Variants in PRDM10 observed in about 807,000 individuals in gnomAD.
PRDM10 encodes PR domain zinc finger protein 10.
A neutral mutation model predicts 133.1 loss-of-function variants in PRDM10; 65 were observed. The observed-to-expected ratio is 0.49, with a 90% CI of 0.40 to 0.60. The LOEUF is 0.60. Among genes scored for constraint, PRDM10 ranks in the 20% least tolerant of loss-of-function variants. The pLI is 0.00. For missense variants in PRDM10, 1,137 were observed against 1,507.1 expected (o/e 0.75, Z 4.07); for synonymous variants, 582 against 580.4 (o/e 1.00, Z -0.04).
intron 1 of PRDM10, among the ~76,000 whole-genome samples, chr11:129,970,777 G>A (rs1436743951): frequency 2.0e-5 from 3 of 151,912 alleles, no homozygotes; most frequent in South Asian, 4.2e-4. Flanking sequence ...AACTCCTGAC[G>A]TCAGGTGATC....
At chr11:129,910,696 T>C in intron 18 of PRDM10, 40 bp from the exon 19 acceptor site, 2 of 1,446,584 alleles carry the variant, frequency 1.4e-6, no homozygotes, top group Non-Finnish European at 1.9e-6. Flanking sequence ...AATTACGAGC[T>C]TCTAATATAG....
intron 1 of PRDM10, among the ~76,000 whole-genome samples, chr11:129,976,448 G>C (rs777032342): frequency 2.0e-5 from 3 of 152,140 alleles, no homozygotes; most frequent in Non-Finnish European, 4.4e-5. Flanking sequence ...GCTAGGCCCT[G>C]GTCTAAGCAG....
chr11:129,954,121 C>G (rs1951648622), intron 4 of PRDM10, among the ~76,000 whole-genome samples: 1 of 150,904 alleles, frequency 6.6e-6, no homozygotes, highest in Admixed American at 6.6e-5. Flanking sequence ...AAAAAAGGCT[C>G]CTAACAAACT....
At chr11:129,913,814 G>T (rs2135740694) in intron 17 of PRDM10, among the ~76,000 whole-genome samples, 1 of 152,306 alleles carries the variant, frequency 6.6e-6, no homozygotes, top group East Asian at 1.9e-4. Context: ...GAGACCAAAT[G>T]ATTTCAAAGC....
chr11:129,938,286 T>C (rs528809731), intron 7 of PRDM10, among the ~76,000 whole-genome samples: 1 of 152,342 alleles, frequency 6.6e-6, no homozygotes, highest in African/African-American at 2.4e-5. Flanking sequence ...CTGTTCCCTC[T>C]GAGTGTGTTT....
At chr11:129,972,775 C>A (rs1026635704) in intron 1 of PRDM10, among the ~76,000 whole-genome samples, 1 of 152,188 alleles carries the variant, frequency 6.6e-6, no homozygotes, top group East Asian at 1.9e-4. Context: ...CCCTTGACTG[C>A]CCGCTTAGAG....
rs74686535 is a variant in PRDM10, at chr11:129,961,479, T to C, written c.-118-397A>G. Among the ~76,000 whole-genome samples, 1,462 of 152,188 alleles carry C rather than the reference T, an allele frequency of 9.6e-3. 20 individuals carry two copies. Among genetic ancestry groups the C allele is most frequent in the African/African-American group, 0.029 (1,217 of 41,570 alleles). On this transcript the variant is annotated intron_variant, in intron 1 of 20. Coordinates refer to ENST00000360871, the MANE Select transcript of PRDM10 (RefSeq NM_199437.2). The stretch of plus-strand genomic sequence containing the variant: ...GCAACCATGCCCAGCTAATTTTTTA[T>C]ATTTTTAGTAGAGATGTGTTTTCAC...
intron 4 of PRDM10, among the ~76,000 whole-genome samples, chr11:129,951,258 G>A (rs1951574619): frequency 6.6e-6 from 1 of 152,202 alleles, no homozygotes; most frequent in South Asian, 2.1e-4. Context: ...ACGCTCCTAA[G>A]TGGCAGAGAT....
chr11:129,931,704 T>C (rs12801585), intron 10 of PRDM10, among the ~76,000 whole-genome samples: 12,650 of 151,540 alleles, frequency 0.083, 971 homozygotes, highest in East Asian at 0.37. Flanking sequence ...GTAGCTGGGA[T>C]TGCAGGCGCC....
At chr11:129,927,771 C>T (rs1233137139) in intron 11 of PRDM10, among the ~76,000 whole-genome samples, 1 of 152,112 alleles carries the variant, frequency 6.6e-6, no homozygotes, top group East Asian at 1.9e-4. Flanking sequence ...ATTACAAGGT[C>T]GTAAAAATGC....
Position 129,947,318 on chromosome 11 carries a change from C to G in PRDM10, c.347G>C (p.Gly116Ala). 6.2e-7 allele frequency: 1 copy of G among 1,613,420 alleles called. No homozygotes were observed. Among genetic ancestry groups the G allele is most frequent in the East Asian group, 2.2e-5 (1 of 44,850 alleles). Reference sequence around the variant, plus strand: ...CTGCAGAGTTGCCAAAGGGTCGGACCCATCTACACTCTCGATGGAAGGCAG... The same window carrying G: ...CTGCAGAGTTGCCAAAGGGTCGGACGCATCTACACTCTCGATGGAAGGCAG... Reference protein sequence around the residue: ...QVLPSIESVDGSDPLATLQTP... With the variant: ...QVLPSIESVDASDPLATLQTP... The change falls in exon 5 of 21, where the codon GGG (glycine) becomes GCG (alanine). Residue 116 changes from glycine (G) to alanine (A), a missense_variant. Physicochemically the swap from Gly to Ala is moderately conservative, Grantham distance 60 (BLOSUM62 0). Coordinates refer to ENST00000360871, the MANE Select transcript of PRDM10 (RefSeq NM_199437.2). This position sits in a 1 kb window ranked among gnomAD's most constrained non-coding sequence, Gnocchi z 4.6.
chr11:129,947,702 G>A lies in PRDM10; in HGVS notation c.295-332C>T. On this transcript the variant is annotated intron_variant, in intron 4 of 20. Coordinates refer to ENST00000360871, the MANE Select transcript of PRDM10 (RefSeq NM_199437.2). This position sits in a 1 kb window ranked among gnomAD's most constrained non-coding sequence, Gnocchi z 4.6. ...GCAAGGCCCTGACCACCTGCGTCCT[G>A]ACCCCACCCCTAAAACTTAATAAAA... 1 of 543,580 alleles carries A rather than the reference G, an allele frequency of 1.8e-6. No individual in the cohort carries two copies. The highest frequency in any genetic ancestry group is 2.2e-5 in the South Asian group (1 of 45,030). 33.7% of individuals were successfully genotyped at this position (543,580 alleles called of 1,614,324 possible).
In PRDM10 at chr11:129,985,820, A is replaced by G. The variant is rs1938409465; in HGVS notation, c.-119+16902T>C. Among the ~76,000 whole-genome samples, 3 of 133,630 alleles carry G rather than the reference A, an allele frequency of 2.2e-5. 1 individual carries two copies. The highest frequency in any genetic ancestry group is 8.5e-5 in the African/African-American group (3 of 35,442). The allele number at this position is 133,630 out of a possible 152,430, so 87.7% of individuals were successfully genotyped here. A position where few individuals can be genotyped will look rare whatever the true frequency, so the allele number is the denominator to read the frequency against. On this transcript the variant is annotated intron_variant, in intron 1 of 20. Coordinates refer to ENST00000360871, the MANE Select transcript of PRDM10 (RefSeq NM_199437.2). Reference sequence around the variant, plus strand: ...AAAAAAAAAAAAAAAATATATATATATATATATATATATGTATATATAGTA... The same window carrying G: ...AAAAAAAAAAAAAAAATATATATATGTATATATATATATGTATATATAGTA...
intron 1 of PRDM10, among the ~76,000 whole-genome samples, chr11:129,965,899 T>C (rs1302334238): frequency 6.6e-6 from 1 of 152,080 alleles, no homozygotes; most frequent in African/African-American, 2.4e-5. Context: ...ATGTACTTAG[T>C]TGGGGCGTTA....
intron 1 of PRDM10, among the ~76,000 whole-genome samples, chr11:130,001,444 T>C (rs757242040): frequency 6.6e-6 from 1 of 152,090 alleles, no homozygotes; most frequent in Non-Finnish European, 1.5e-5. Context: ...TTAGAGAATT[T>C]GGGGTGACGA....
At chr11:129,996,029 TATCCCTCAA>T (rs1233218888) in intron 1 of PRDM10, among the ~76,000 whole-genome samples, 1 of 152,188 alleles carries the variant, frequency 6.6e-6, no homozygotes, top group Middle Eastern at 3.2e-3. Flanking sequence ...TTCACTCACT[TATCCCTCAA>T]AACATTTTAG....
chr11:129,988,619 A>C (rs1293006796), intron 1 of PRDM10, among the ~76,000 whole-genome samples: 3 of 150,004 alleles, frequency 2.0e-5, no homozygotes, highest in Non-Finnish European at 3.0e-5. Context: ...AAAAGAGGAG[A>C]TGTTAAGTCA....
At chr11:129,960,197 T>C (rs1951770127) in intron 2 of PRDM10, among the ~76,000 whole-genome samples, 1 of 152,238 alleles carries the variant, frequency 6.6e-6, no homozygotes. Flanking sequence ...TATGGTTATG[T>C]AATTTAATGA....
intron 3 of PRDM10, 151 bp downstream of exon 3, chr11:129,957,595 G>C (rs991358116): frequency 3.3e-6 from 3 of 908,304 alleles, no homozygotes; most frequent in Admixed American, 6.0e-5. Context: ...GGGATTACAG[G>C]CATGAGCCAC....
Sources: allele counts gnomAD v4.1 joint callset (sites outside exome capture counted in the v4.1 genomes callset), GRCh38; gene constraint gnomAD v4.1.1; non-coding constraint Gnocchi (gnomAD v3.1); transcripts MANE v1.5; gene names NCBI Gene and HGNC (gene_info 2026-07-23, HGNC 2026-07-21).